Variants in SNX19 observed in about 807,000 individuals in gnomAD.
The protein encoded by SNX19 is sorting nexin-19.
In SNX19, 60 loss-of-function variants were observed where a neutral mutation model predicts 85.2. That is an observed-to-expected ratio of 0.70 (90% confidence interval 0.57 to 0.87). The LOEUF (loss-of-function observed/expected upper bound fraction) is 0.87. SNX19 is among the 40% of genes least tolerant of loss of function. SNX19 has a pLI of 0.00. For synonymous variants in SNX19, 520 were observed against 470.0 expected, an observed-to-expected ratio of 1.11 and a Z score of -1.38; for missense variants, 1,201 against 1,217.8, an observed-to-expected ratio of 0.99 and a Z score of 0.21.
intron 7 of SNX19, 23 bp downstream of exon 7, chr11:130,905,930 G>A (rs528764733): frequency 8.1e-6 from 13 of 1,614,156 alleles, no homozygotes; most frequent in African/African-American, 6.7e-5. Flanking sequence ...CTTCTCCATG[G>A]GAGCAGAGAC....
intron 5 of SNX19, 150 bp downstream of exon 5, chr11:130,907,803 A>T: frequency 8.1e-7 from 1 of 1,233,834 alleles, no homozygotes. Flanking sequence ...TGGAAAACTG[A>T]GGAGCCTGGG....
chr11:130,903,773 T>C (rs1201090730), intron 7 of SNX19, among the ~76,000 whole-genome samples: 1 of 150,734 alleles, frequency 6.6e-6, no homozygotes, highest in Non-Finnish European at 1.5e-5. Flanking sequence ...CCTACTTAGT[T>C]TCTATTTCTT....
In SNX19 at chr11:130,871,148, A is replaced by G. The variant is rs1360491075; in HGVS notation, c.*7274T>C. Among the ~76,000 whole-genome samples the G allele has an allele frequency of 1.3e-5, 2 of 152,194 alleles. No individual in the cohort carries two copies. Among genetic ancestry groups the G allele is most frequent in the East Asian group, 3.9e-4 (2 of 5,182 alleles). ...AGGAACATGCTGGTTTGGGCAGAAT[A>G]AAAAATCCCTAGATTTTTTTGGAAG... On this transcript the variant is annotated 3_prime_UTR_variant, in exon 11 of 11. Transcript: ENST00000265909.
At chr11:130,893,438 CAA>C (rs1174319079) in intron 8 of SNX19, among the ~76,000 whole-genome samples, 1 of 151,874 alleles carries the variant, frequency 6.6e-6, no homozygotes, top group Non-Finnish European at 1.5e-5. Flanking sequence ...CCAAGATAAA[CAA>C]AGAGAAAAAA....
chr11:130,914,594 A>G lies in SNX19; in HGVS notation c.1346T>C (p.Ile449Thr), dbSNP rs776335406. The change falls in exon 1 of 11, where the codon ATT becomes ACT. Residue 449 changes from isoleucine (I) to threonine (T), a missense_variant. Transcript: ENST00000265909. ...TTCTATCTCCTTGTCTGCTGTGTCAATATGGATCTCTGGGCAGGAATTCAG... is the reference window on the plus strand; with the variant it reads ...TTCTATCTCCTTGTCTGCTGTGTCAGTATGGATCTCTGGGCAGGAATTCAG... ...STLNSCPEIH[I>T]DTADKEIEQG... 9.3e-6 allele frequency: 15 copies of G among 1,613,824 alleles called. No homozygotes were observed. The highest frequency in any genetic ancestry group is 1.7e-5 in the Admixed American group (1 of 60,000).
chr11:130,911,568 C>A (rs1946128422), intron 2 of SNX19, 65 bp downstream of exon 2: 2 of 1,603,386 alleles, frequency 1.2e-6, no homozygotes, highest in South Asian at 2.2e-5. Flanking sequence ...CATAAACCAA[C>A]AGGCCAATCA....
chr11:130,885,906 C>T (rs571454243), intron 8 of SNX19, among the ~76,000 whole-genome samples: 165 of 152,316 alleles, frequency 1.1e-3, no homozygotes, highest in African/African-American at 3.8e-3. Context: ...GGGTTTTCAA[C>T]GTTGGTACTA....
rs915996623 is a variant in SNX19, at chr11:130,867,073, T to C, written c.*11349A>G. 3 of 152,178 alleles carry C rather than the reference T, an allele frequency of 2.0e-5. No homozygotes were observed. The highest frequency in any genetic ancestry group is 2.0e-4 in the Admixed American group (3 of 15,272). 9.4% of individuals were successfully genotyped at this position (152,178 alleles called of 1,614,324 possible). A position where few individuals can be genotyped will look rare whatever the true frequency, so the allele number is the denominator to read the frequency against. The stretch of plus-strand genomic sequence containing the variant: ...CTGACAGAGCTGGAATTCTGCCTGG[T>C]TGGTTGTCGGCATAACCCATGTTCT... On this transcript the variant is annotated 3_prime_UTR_variant, in exon 11 of 11. Coordinates refer to ENST00000265909, the MANE Select transcript of SNX19 (RefSeq NM_014758.3).
Position 130,916,291 on chromosome 11 carries a change from G to A in SNX19, c.-352C>T, listed in dbSNP as rs1404806916. 3.4e-5 allele frequency: 8 copies of A among 232,332 alleles called. No homozygotes were observed. The highest frequency in any genetic ancestry group is 6.0e-5 in the Non-Finnish European group (7 of 116,662). 14.4% of individuals were successfully genotyped at this position (232,332 alleles called of 1,614,324 possible). ...CCACGGACACTTACACACGCAGCGG[G>A]CAGCGGCCGGCGAAGACTGGGTCAC... On this transcript the variant is annotated 5_prime_UTR_variant, in exon 1 of 11. Coordinates refer to ENST00000265909, the MANE Select transcript of SNX19 (RefSeq NM_014758.3).
rs373601898 is a variant in SNX19 at position 130,903,400 on chromosome 11, G to A, written c.2444-16C>T. ...GTCTCTGTTCCTGAGGGATAAAATG[G>A]CATCAGGAGTAACTCAGAAGAGACC... On this transcript the variant is annotated splice_polypyrimidine_tract_variant and intron_variant, in intron 7 of 10. Transcript: ENST00000265909. 2.5e-6 allele frequency: 4 copies of A among 1,611,126 alleles called. No homozygotes were observed. Among genetic ancestry groups the A allele is most frequent in the African/African-American group, 2.7e-5 (2 of 74,786 alleles).
chr11:130,893,120 T>C (rs573240966), intron 8 of SNX19: 1 of 151,924 alleles, frequency 6.6e-6, no homozygotes, highest in African/African-American at 2.4e-5. Context: ...CACAGGGAGA[T>C]CTCCCTGTTC....
chr11:130,894,188 G>A (rs1944703334), intron 8 of SNX19, among the ~76,000 whole-genome samples: 1 of 152,142 alleles, frequency 6.6e-6, no homozygotes, highest in South Asian at 2.1e-4. Context: ...GGTCCAAGTA[G>A]TTTATACAGA....
At chr11:130,900,736 G>C (rs1349563138) in intron 8 of SNX19, among the ~76,000 whole-genome samples, 2 of 151,914 alleles carry the variant, frequency 1.3e-5, no homozygotes, top group African/African-American at 4.8e-5. Context: ...CAAGGAGAAG[G>C]GGTCATATTA....
chr11:130,867,630 C>T lies in SNX19; in HGVS notation c.*10792G>A, dbSNP rs1316801547. The T allele has an allele frequency of 6.6e-6, 1 of 152,302 alleles. No individual in the cohort carries two copies. The highest frequency in any genetic ancestry group is 2.1e-4 in the South Asian group (1 of 4,824). 9.4% of individuals were successfully genotyped at this position (152,302 alleles called of 1,614,324 possible). On this transcript the variant is annotated 3_prime_UTR_variant, in exon 11 of 11. Transcript: ENST00000265909. ...AATCCCCGGGTTTCTTTCCTTTCTT[C>T]CTTCCTTAAATTGAGACCCAAATGA... is the stretch of plus-strand genomic sequence containing the variant.
intron 8 of SNX19, 59 bp downstream of exon 8, chr11:130,903,196 C>A: frequency 6.2e-7 from 1 of 1,605,758 alleles, no homozygotes; most frequent in South Asian, 1.1e-5. Flanking sequence ...TATTCAGCAT[C>A]ACATCCACCT....
At chr11:130,899,484 G>GGAAAAATGA (rs1486928575) in intron 8 of SNX19, among the ~76,000 whole-genome samples, 1 of 152,166 alleles carries the variant, frequency 6.6e-6, no homozygotes, top group Non-Finnish European at 1.5e-5. Context: ...TAAAAAGATG[G>GGAAAAATGA]GAAAAATGAT....
At chr11:130,895,904 CAG>C (rs1237594995) in intron 8 of SNX19, among the ~76,000 whole-genome samples, 2 of 152,288 alleles carry the variant, frequency 1.3e-5, no homozygotes, top group Admixed American at 1.3e-4. Flanking sequence ...ACTCATATGA[CAG>C]GGGAAACTGC....
rs6590520 is a variant in SNX19 at position 130,877,491 on chromosome 11, C to G, written c.*931G>C. 66,584 of 152,118 alleles carry G rather than the reference C, an allele frequency of 0.44. 14,860 individuals are homozygous for G. Among genetic ancestry groups the G allele is most frequent in the South Asian group, 0.56 (2,725 of 4,828 alleles). The allele number at this position is 152,118 out of a possible 1,614,324, so 9.4% of individuals were successfully genotyped here. On this transcript the variant is annotated 3_prime_UTR_variant, in exon 11 of 11. Transcript: ENST00000265909. ...TAGGAAGGGAGATTTCATCCCCCAG[C>G]CTTGCTAGTCCTACTCTTTGTGCAT...
chr11:130,886,040 C>T (rs1291069938), intron 8 of SNX19, among the ~76,000 whole-genome samples: 4 of 152,174 alleles, frequency 2.6e-5, no homozygotes, highest in African/African-American at 9.7e-5. Flanking sequence ...AAACATGTCT[C>T]CAAACATTGC....
Sources: allele counts gnomAD v4.1 joint callset (sites outside exome capture counted in the v4.1 genomes callset), GRCh38; gene constraint gnomAD v4.1.1; transcripts MANE v1.5; gene names NCBI Gene and HGNC (gene_info 2026-07-23, HGNC 2026-07-21).